Variants in GRID2 observed in about 807,000 individuals in gnomAD.
GRID2 encodes the protein glutamate receptor ionotropic, delta-2.
GRID2 carries 33 observed loss-of-function variants against 114.8 expected under a neutral mutation model. The ratio of observed to expected loss-of-function variants is 0.29; its 90% confidence interval spans 0.22 to 0.38. GRID2 has a LOEUF of 0.38. Among genes scored for constraint, GRID2 ranks in the 10% least tolerant of loss-of-function variants. GRID2 has a pLI of 1.00. For missense variants in GRID2, 1,184 were observed against 1,257.7 expected, an observed-to-expected ratio of 0.94 and a Z score of 0.89; for synonymous variants, 505 against 449.9, an observed-to-expected ratio of 1.12 and a Z score of -1.55.
intron 9 of GRID2, among the ~76,000 whole-genome samples, chr4:93,410,994 A>G (rs183391283): frequency 6.6e-6 from 1 of 152,166 alleles, no homozygotes; most frequent in South Asian, 2.1e-4. Context: ...GTTATAAACA[A>G]ATTTTTATTT....
At chr4:93,314,741 TCACA>T (rs10585703) in intron 8 of GRID2, among the ~76,000 whole-genome samples, 11 of 151,010 alleles carry the variant, frequency 7.3e-5, no homozygotes, top group African/African-American at 1.2e-4. Flanking sequence ...CACGATGATT[TCACA>T]CACACACACA....
chr4:92,308,265 T>G (rs192894431), intron 1 of GRID2, among the ~76,000 whole-genome samples: 40 of 152,318 alleles, frequency 2.6e-4, no homozygotes, highest in Admixed American at 1.2e-3. Flanking sequence ...AACAGTTTAA[T>G]ATATGCTCCT....
intron 13 of GRID2, among the ~76,000 whole-genome samples, chr4:93,555,877 GT>G (rs1734269557): frequency 1.3e-5 from 2 of 152,170 alleles, no homozygotes; most frequent in Admixed American, 6.5e-5. Context: ...CATCTGGCAG[GT>G]GTCCCTCTGG....
intron 14 of GRID2, among the ~76,000 whole-genome samples, chr4:93,725,402 G>C (rs1021642149): frequency 6.6e-6 from 1 of 152,120 alleles, no homozygotes; most frequent in Admixed American, 6.5e-5. Context: ...ATTTGGGTTG[G>C]TTCCAAGTCT....
intron 2 of GRID2, among the ~76,000 whole-genome samples, chr4:92,786,583 G>T (rs1040602059): frequency 6.6e-6 from 1 of 151,792 alleles, no homozygotes; most frequent in Non-Finnish European, 1.5e-5. Flanking sequence ...CCTTGCAAAT[G>T]GGCAAGATGC....
At chr4:92,395,931 A>C (rs1730471403) in intron 1 of GRID2, among the ~76,000 whole-genome samples, 2 of 151,882 alleles carry the variant, frequency 1.3e-5, no homozygotes, top group South Asian at 4.1e-4. Context: ...TGTACTTAGT[A>C]CTTGGTAAGT....
chr4:93,176,692 GAATAT>G (rs36215660), intron 4 of GRID2, among the ~76,000 whole-genome samples: 3,826 of 152,194 alleles, frequency 0.025, 68 homozygotes, highest in Non-Finnish European at 0.032. Flanking sequence ...GTGTCTGAAG[GAATAT>G]AATATATGTT....
chr4:92,429,361 G>C (rs144637349), intron 1 of GRID2, among the ~76,000 whole-genome samples: 1 of 151,942 alleles, frequency 6.6e-6, no homozygotes, highest in Non-Finnish European at 1.5e-5. Context: ...GTCTTTCTGC[G>C]CCTGGCTTAT....
intron 2 of GRID2, among the ~76,000 whole-genome samples, chr4:92,851,479 T>A (rs1243386703): frequency 6.6e-6 from 1 of 151,948 alleles, no homozygotes; most frequent in Non-Finnish European, 1.5e-5. Flanking sequence ...AGTAATCTAG[T>A]CTTCAATTTA....
chr4:93,260,510 TTTAAG>T (rs1750141412), intron 8 of GRID2, among the ~76,000 whole-genome samples: 1 of 151,632 alleles, frequency 6.6e-6, no homozygotes, highest in Non-Finnish European at 1.5e-5. Flanking sequence ...ATTAAAACAA[TTTAAG>T]TTAATTTAAG....
Position 93,407,787 on chromosome 4 carries a change from GTCC to G in GRID2, c.1347+12088_1347+12090del, listed in dbSNP as rs1252178491. 5.8e-3 allele frequency among the ~76,000 whole-genome samples: 165 copies of G among 28,374 alleles called. 4 individuals carry two copies. Among genetic ancestry groups the G allele is most frequent in the African/African-American group, 0.037 (153 of 4,158 alleles). 18.6% of individuals were successfully genotyped at this position (28,374 alleles called of 152,430 possible). On this transcript the variant is annotated intron_variant, in intron 9 of 15. Transcript: ENST00000282020. Reference sequence around the variant, plus strand: ...CCTCCTCCTCCTCCTCATCCTCCTCGTCCTCCTCCTCGTCCTCCTCCTCTTCCT... The same window carrying G: ...CCTCCTCCTCCTCCTCATCCTCCTCGTCCTCCTCGTCCTCCTCCTCTTCCT...
chr4:92,830,040 A>T (rs1405320556), intron 2 of GRID2, among the ~76,000 whole-genome samples: 1 of 151,908 alleles, frequency 6.6e-6, no homozygotes, highest in African/African-American at 2.4e-5. Context: ...TGACACATAT[A>T]TACCTATGCA....
At chr4:92,398,039 A>C (rs1027890126) in intron 1 of GRID2, among the ~76,000 whole-genome samples, 4 of 152,150 alleles carry the variant, frequency 2.6e-5, no homozygotes, top group African/African-American at 9.7e-5. Context: ...CCTTACAAAT[A>C]TGCTGGCACA....
At chr4:92,676,381 T>C (rs12651529) in intron 2 of GRID2, among the ~76,000 whole-genome samples, 9,429 of 151,644 alleles carry the variant, frequency 0.062, 359 homozygotes, top group East Asian at 0.17. Context: ...GGGGTTTCAC[T>C]GTGTTAGCCA....
At chr4:92,687,544 T>C (rs1733969502) in intron 2 of GRID2, among the ~76,000 whole-genome samples, 2 of 152,034 alleles carry the variant, frequency 1.3e-5, no homozygotes, top group Non-Finnish European at 2.9e-5. Flanking sequence ...AAATACCTTA[T>C]TGGGGCCGGG....
chr4:93,345,205 A>G (rs1760096119), intron 8 of GRID2, among the ~76,000 whole-genome samples: 1 of 152,062 alleles, frequency 6.6e-6, no homozygotes, highest in Non-Finnish European at 1.5e-5. Flanking sequence ...TGGTAGTCCA[A>G]TTTTTAATTT....
intron 1 of GRID2, among the ~76,000 whole-genome samples, chr4:92,540,817 C>T (rs1479865635): frequency 1.3e-5 from 2 of 152,182 alleles, no homozygotes; most frequent in South Asian, 2.1e-4. Flanking sequence ...GATTATAAAT[C>T]ATGCTGCTAT....
intron 1 of GRID2, among the ~76,000 whole-genome samples, chr4:92,442,412 TC>T (rs1374932242): frequency 2.6e-5 from 4 of 152,056 alleles, no homozygotes; most frequent in Non-Finnish European, 5.9e-5. Context: ...TGGCCAGATT[TC>T]CGGCAAGTGT....
At chr4:93,126,103 A>G (rs1734239581) in intron 4 of GRID2, among the ~76,000 whole-genome samples, 2 of 152,214 alleles carry the variant, frequency 1.3e-5, no homozygotes, top group Non-Finnish European at 1.5e-5. Context: ...TTCTTAGTGA[A>G]TAAAAATAAT....
Sources: allele counts gnomAD v4.1 joint callset (sites outside exome capture counted in the v4.1 genomes callset), GRCh38; gene constraint gnomAD v4.1.1; transcripts MANE v1.5; gene names NCBI Gene and HGNC (gene_info 2026-07-23, HGNC 2026-07-21).